Variants in GRIK2 observed in about 807,000 individuals in gnomAD.
GRIK2 encodes the protein glutamate ionotropic receptor kainate type subunit 2.
In GRIK2, 32 loss-of-function variants were observed where a neutral mutation model predicts 100.3. The ratio of observed to expected loss-of-function variants is 0.32; its 90% CI spans 0.24 to 0.43. The LOEUF (loss-of-function observed/expected upper bound fraction) is 0.43, where lower values mean the gene tolerates loss of function less well. Among genes scored for constraint, GRIK2 ranks in the 20% least tolerant of loss-of-function variants. The probability of loss-of-function intolerance (pLI) is 1.00; values close to 1 mark genes in which losing one functional copy is unlikely to be tolerated. For synonymous variants in GRIK2, 417 were observed against 389.4 expected, an observed-to-expected ratio of 1.07 and a Z score of -0.83; for missense variants, 843 against 1,114.9, an observed-to-expected ratio of 0.76 and a Z score of 3.47.
intron 2 of GRIK2, among the ~76,000 whole-genome samples, chr6:101,405,146 A>G (rs959217051): frequency 6.6e-6 from 1 of 152,212 alleles, no homozygotes; most frequent in Admixed American, 6.5e-5. Context: ...AGTTTAATTG[A>G]AAGGGCAAGG....
At chr6:101,602,554 TA>T (rs1406610970) in intron 2 of GRIK2, among the ~76,000 whole-genome samples, 9 of 151,316 alleles carry the variant, frequency 5.9e-5, no homozygotes, top group African/African-American at 1.9e-4. Context: ...AATGAATGAT[TA>T]GTTTTTTTTT....
intron 4 of GRIK2, among the ~76,000 whole-genome samples, chr6:101,636,633 A>T (rs1781032964): frequency 6.6e-6 from 1 of 152,118 alleles, no homozygotes; most frequent in South Asian, 2.1e-4. Context: ...CAAAAATCAA[A>T]TTTTGAATCT....
intron 7 of GRIK2, among the ~76,000 whole-genome samples, chr6:101,715,809 T>C (rs1774024410): frequency 6.6e-6 from 1 of 151,864 alleles, no homozygotes; most frequent in Non-Finnish European, 1.5e-5. Flanking sequence ...ATTTTGGTTC[T>C]AACTCCAGTT....
intron 2 of GRIK2, among the ~76,000 whole-genome samples, chr6:101,602,133 T>C (rs750427188): frequency 4.6e-5 from 7 of 151,788 alleles, no homozygotes; most frequent in Non-Finnish European, 8.8e-5. Context: ...TCTCTTTTCA[T>C]TTATTTCAAA....
intron 2 of GRIK2, among the ~76,000 whole-genome samples, chr6:101,551,176 A>G (rs1776492135): frequency 6.6e-6 from 1 of 152,142 alleles, no homozygotes; most frequent in African/African-American, 2.4e-5. Flanking sequence ...ATTTGCAAGA[A>G]TATCAGATTT....
intron 2 of GRIK2, among the ~76,000 whole-genome samples, chr6:101,501,771 T>C (rs1478801587): frequency 6.6e-6 from 1 of 152,148 alleles, no homozygotes; most frequent in Non-Finnish European, 1.5e-5. Context: ...TTTGTTTTGT[T>C]TTCCAAGACA....
chr6:101,818,826 A>T (rs1292354716), intron 10 of GRIK2, among the ~76,000 whole-genome samples: 1 of 152,222 alleles, frequency 6.6e-6, no homozygotes, highest in African/African-American at 2.4e-5. Flanking sequence ...GTGATGAGCC[A>T]AAAGTGAACT....
intron 2 of GRIK2, among the ~76,000 whole-genome samples, chr6:101,567,274 T>G (rs1582732343): frequency 6.6e-6 from 1 of 152,030 alleles, no homozygotes; most frequent in East Asian, 1.9e-4. Context: ...TATTTCAAGA[T>G]TCCATGATCT....
At chr6:101,797,666 C>T (rs1023216095) in intron 7 of GRIK2, among the ~76,000 whole-genome samples, 1 of 70,216 alleles carries the variant, frequency 1.4e-5, no homozygotes, top group Non-Finnish European at 2.5e-5. Flanking sequence ...TGCTGTATTT[C>T]CATAATAAAC....
At chr6:101,810,611 T>C (rs1050093083) in intron 9 of GRIK2, among the ~76,000 whole-genome samples, 1 of 152,098 alleles carries the variant, frequency 6.6e-6, no homozygotes, top group Non-Finnish European at 1.5e-5. Context: ...TAGGCTTTGC[T>C]GTAAAATATT....
intron 11 of GRIK2, among the ~76,000 whole-genome samples, chr6:101,881,486 A>C (rs1786239604): frequency 6.6e-6 from 1 of 151,926 alleles, no homozygotes; most frequent in South Asian, 2.1e-4. Flanking sequence ...TAATAGAAAT[A>C]ATACATATTT....
intron 2 of GRIK2, among the ~76,000 whole-genome samples, chr6:101,511,185 C>G (rs1204124738): frequency 6.6e-6 from 1 of 152,166 alleles, no homozygotes; most frequent in Non-Finnish European, 1.5e-5. Flanking sequence ...TGGAAATTCT[C>G]TATCCCAATA....
At chr6:101,815,565 T>TA (rs949316376) in intron 9 of GRIK2, among the ~76,000 whole-genome samples, 1 of 150,514 alleles carries the variant, frequency 6.6e-6, no homozygotes, top group Non-Finnish European at 1.5e-5. Flanking sequence ...TCACCATATA[T>TA]AAAACAATTC....
intron 15 of GRIK2, among the ~76,000 whole-genome samples, chr6:102,050,207 T>G (rs896038951): frequency 2.6e-5 from 4 of 151,480 alleles, no homozygotes; most frequent in African/African-American, 4.9e-5. Context: ...TAGAACTACG[T>G]GCACATTTCA....
Position 101,590,205 on chromosome 6 carries a change from A to G in GRIK2, c.116-31744A>G, listed in dbSNP as rs567907353. 2.6e-4 allele frequency among the ~76,000 whole-genome samples: 39 copies of G among 152,222 alleles called. 1 individual carries two copies. Among genetic ancestry groups the G allele is most frequent in the African/African-American group, 9.4e-4 (39 of 41,566 alleles). On this transcript the variant is annotated intron_variant, in intron 2 of 16. Coordinates refer to ENST00000369134, the MANE Select transcript of GRIK2 (RefSeq NM_021956.5). ...GATGGACTGTACCAGTTATCTGCTT[A>G]TGGCATCTCAGCTCCAAATCTACTC...
At chr6:101,460,796 C>G (rs1206147134) in intron 2 of GRIK2, among the ~76,000 whole-genome samples, 1 of 152,040 alleles carries the variant, frequency 6.6e-6, no homozygotes, top group Non-Finnish European at 1.5e-5. Context: ...CCTTAGAAGC[C>G]TGAGGGAAAG....
At chr6:101,761,574 T>A (rs1777670352) in intron 7 of GRIK2, among the ~76,000 whole-genome samples, 1 of 152,108 alleles carries the variant, frequency 6.6e-6, no homozygotes, top group African/African-American at 2.4e-5. Context: ...GACTAAAAAA[T>A]TAACAAAACT....
At chr6:101,899,347 C>T (rs146337198) in intron 12 of GRIK2, among the ~76,000 whole-genome samples, 28 of 151,962 alleles carry the variant, frequency 1.8e-4, no homozygotes, top group African/African-American at 4.6e-4. Context: ...ATTTTATACT[C>T]ATTTTTGAAA....
intron 4 of GRIK2, among the ~76,000 whole-genome samples, chr6:101,631,811 C>G (rs1780756635): frequency 6.6e-6 from 1 of 152,086 alleles, no homozygotes; most frequent in Non-Finnish European, 1.5e-5. Context: ...TAACTGGTCT[C>G]CCTTTTTCTA....
Sources: gnomAD v4.1 joint callset for allele counts (sites outside exome capture counted in the v4.1 genomes callset) on GRCh38, gnomAD v4.1.1 for gene constraint, MANE v1.5 for transcripts, NCBI Gene and HGNC (gene_info 2026-07-23, HGNC 2026-07-21) for gene names.